ESRRG: variants seen among roughly 807,000 people sequenced by gnomAD.
ESRRG encodes the protein estrogen related receptor gamma, also known as estrogen-related receptor gamma.
Under a neutral mutation model 44.0 loss-of-function variants are expected in ESRRG, and 13 were observed. That is an observed-to-expected ratio of 0.30 (90% CI 0.19 to 0.47). The LOEUF is 0.47. Ranked by LOEUF, ESRRG falls within the 20% of genes least tolerant of loss-of-function variation. The pLI, the probability that ESRRG is intolerant of heterozygous loss-of-function variation, is 1.00. For missense variants in ESRRG, 395 were observed against 580.6 expected (o/e 0.68, Z 3.29); for synonymous variants, 215 against 214.6 (o/e 1.00, Z -0.02).
intron 2 of ESRRG, among the ~76,000 whole-genome samples, chr1:216,734,907 T>A (rs1474184060): frequency 4.4e-5 from 4 of 91,290 alleles, no homozygotes; most frequent in Admixed American, 3.0e-4. Context: ...CCATATTCTT[T>A]TTTTTTTTTT....
At chr1:217,081,584 A>G (rs538672194) in intron 1 of ESRRG, among the ~76,000 whole-genome samples, 82 of 152,226 alleles carry the variant, frequency 5.4e-4, no homozygotes, top group African/African-American at 1.9e-3. Context: ...CAACGAATGT[A>G]TTACATTCAT....
chr1:216,855,240 A>G (rs1342261200), intron 2 of ESRRG: 1 of 152,218 alleles, frequency 6.6e-6, no homozygotes, highest in Non-Finnish European at 1.5e-5. Flanking sequence ...GGCTTGAACA[A>G]TAACAGGGCT....
intron 1 of ESRRG, among the ~76,000 whole-genome samples, chr1:217,032,032 TC>T (rs1244235058): frequency 6.6e-6 from 1 of 152,212 alleles, no homozygotes; most frequent in Non-Finnish European, 1.5e-5. Context: ...TGTGGAATTT[TC>T]CCCTTGCTAA....
At position 216,870,471 on chromosome 1, in the gene ESRRG, T is replaced by C. The variant is rs916901369; in HGVS notation, c.-14+69111A>G. Among the ~76,000 whole-genome samples, 8 of 152,124 alleles carry C rather than the reference T, an allele frequency of 5.3e-5. No homozygotes were observed. In the East Asian group the frequency reaches 1.5e-3, roughly 29 times the overall value. ...TCTCGTCTGTTTTGTTGTCTGGTTT[T>C]GGTACAAGGGTTACTCTTTGGAGGC... On this transcript the variant is annotated intron_variant, in intron 2 of 7. Coordinates refer to the ESRRG transcript ENST00000359162.
chr1:216,757,671 C>G (rs1416615), intron 2 of ESRRG, among the ~76,000 whole-genome samples: 113,183 of 151,930 alleles, frequency 0.74, 43,147 homozygotes, highest in African/African-American at 0.89. Flanking sequence ...AGTAAATTTA[C>G]AATCTAACAA....
At chr1:216,589,175 G>C (rs1376595635) in intron 3 of ESRRG, among the ~76,000 whole-genome samples, 4 of 152,080 alleles carry the variant, frequency 2.6e-5, no homozygotes, top group Admixed American at 1.3e-4. Flanking sequence ...AAGAATGCAG[G>C]ACTACTGCTG....
chr1:216,582,259 G>A (rs910752519), intron 3 of ESRRG, among the ~76,000 whole-genome samples: 62 of 152,192 alleles, frequency 4.1e-4, no homozygotes, highest in African/African-American at 1.4e-3. Flanking sequence ...AATTAAGAAA[G>A]CTGACCTGTT....
At chr1:216,893,922 A>G (rs1402553289) in intron 2 of ESRRG, among the ~76,000 whole-genome samples, 2 of 152,224 alleles carry the variant, frequency 1.3e-5, no homozygotes, top group African/African-American at 4.8e-5. Context: ...CTTATTTTCT[A>G]AATGCAATGT....
At chr1:216,825,165 G>T (rs560235042) in intron 2 of ESRRG, among the ~76,000 whole-genome samples, 44 of 152,108 alleles carry the variant, frequency 2.9e-4, no homozygotes, top group Non-Finnish European at 5.6e-4. Context: ...GGAAATGCAG[G>T]CATCATTACC....
intron 1 of ESRRG, among the ~76,000 whole-genome samples, chr1:216,696,848 C>T (rs1393917081): frequency 2.0e-5 from 3 of 152,070 alleles, no homozygotes; most frequent in African/African-American, 4.8e-5. Flanking sequence ...GTACTAATAC[C>T]TATCCTATCT....
chr1:217,098,947 G>T (rs2092464393), intron 1 of ESRRG, among the ~76,000 whole-genome samples: 1 of 152,080 alleles, frequency 6.6e-6, no homozygotes, highest in Non-Finnish European at 1.5e-5. Flanking sequence ...ACATCACCTT[G>T]CCCGCAGCCC....
chr1:216,989,327 C>T (rs1232831225), intron 1 of ESRRG, among the ~76,000 whole-genome samples: 1 of 150,930 alleles, frequency 6.6e-6, no homozygotes, highest in African/African-American at 2.4e-5. Flanking sequence ...TGGCACGTAC[C>T]TGTAGTCCCA....
intron 1 of ESRRG, among the ~76,000 whole-genome samples, chr1:217,026,591 A>G (rs1237595208): frequency 1.3e-5 from 2 of 152,146 alleles, no homozygotes; most frequent in South Asian, 4.1e-4. Context: ...ACATGTGGCT[A>G]TCCGCTTGTG....
chr1:216,619,272 T>G (rs2061852049), intron 3 of ESRRG, among the ~76,000 whole-genome samples: 1 of 152,202 alleles, frequency 6.6e-6, no homozygotes, highest in Non-Finnish European at 1.5e-5. Flanking sequence ...AATCAGAAAT[T>G]TATTTAAAAA....
chr1:216,649,511 TAC>T (rs148634169), intron 3 of ESRRG, among the ~76,000 whole-genome samples: 10 of 151,300 alleles, frequency 6.6e-5, no homozygotes, highest in South Asian at 2.1e-4. Context: ...TATATACATA[TAC>T]ACACACACAC....
intron 2 of ESRRG, among the ~76,000 whole-genome samples, chr1:216,838,439 C>CT (rs2095602184): frequency 1.3e-5 from 2 of 152,096 alleles, no homozygotes; most frequent in South Asian, 4.1e-4. Flanking sequence ...GTGACACTCC[C>CT]TTTTCTGATA....
intron 5 of ESRRG, among the ~76,000 whole-genome samples, chr1:216,550,863 A>G (rs529620876): frequency 3.3e-5 from 5 of 152,300 alleles, no homozygotes; most frequent in African/African-American, 1.2e-4. Flanking sequence ...TGGTTTCAGA[A>G]CAACCATGCA....
At chr1:216,869,649 T>C (rs956012350) in intron 2 of ESRRG, among the ~76,000 whole-genome samples, 1 of 152,088 alleles carries the variant, frequency 6.6e-6, no homozygotes, top group Non-Finnish European at 1.5e-5. Flanking sequence ...AACCAACATC[T>C]TTACTTTGTT....
At chr1:217,043,635 A>G (rs2151156173) in intron 1 of ESRRG, among the ~76,000 whole-genome samples, 1 of 96,314 alleles carries the variant, frequency 1.0e-5, no homozygotes, top group African/African-American at 4.2e-5. Flanking sequence ...TCTCAGGATA[A>G]GAGGCAAAGA....
Sources: gnomAD v4.1 joint callset for allele counts (sites outside exome capture counted in the v4.1 genomes callset) on GRCh38, gnomAD v4.1.1 for gene constraint, MANE v1.5 for transcripts, NCBI Gene and HGNC (gene_info 2026-07-23, HGNC 2026-07-21) for gene names.